Variants in CDH2 observed in about 807,000 individuals in gnomAD.
CDH2 encodes the protein cadherin-2.
A neutral mutation model predicts 92.0 loss-of-function variants in CDH2; 17 were observed. The ratio of observed to expected loss-of-function variants is 0.18; its 90% CI spans 0.13 to 0.28. The LOEUF is 0.28. Ranked by LOEUF, CDH2 falls within the 10% of genes least tolerant of loss-of-function variation. The probability of loss-of-function intolerance (pLI) is 1.00; values close to 1 mark genes in which losing one functional copy is unlikely to be tolerated. For synonymous variants in CDH2, 419 were observed against 415.9 expected (o/e 1.01, Z -0.09); for missense variants, 862 against 1,133.1 (o/e 0.76, Z 3.44).
At chr18:28,153,924 G>C (rs775535332) in intron 1 of CDH2, among the ~76,000 whole-genome samples, 3 of 152,094 alleles carry the variant, frequency 2.0e-5, no homozygotes, top group Non-Finnish European at 2.9e-5. Context: ...AGCAATCTGG[G>C]ACATTTGTTT....
intron 2 of CDH2, among the ~76,000 whole-genome samples, chr18:28,059,889 CT>C (rs1400968081): frequency 2.6e-5 from 4 of 152,210 alleles, no homozygotes; most frequent in African/African-American, 9.6e-5. Context: ...TCCTTTCAAA[CT>C]TTTTTGTGGA....
At chr18:28,033,229 T>G (rs2013742189) in intron 2 of CDH2, among the ~76,000 whole-genome samples, 1 of 152,128 alleles carries the variant, frequency 6.6e-6, no homozygotes, top group African/African-American at 2.4e-5. Context: ...GCACAGCAGT[T>G]CTTCCCTCAA....
At chr18:28,164,684 TC>T (rs2016353590) in intron 1 of CDH2, among the ~76,000 whole-genome samples, 1 of 151,706 alleles carries the variant, frequency 6.6e-6, no homozygotes, top group Non-Finnish European at 1.5e-5. Context: ...ACACACATAC[TC>T]CCACATGTGC....
intron 2 of CDH2, among the ~76,000 whole-genome samples, chr18:28,021,487 A>C (rs996171231): frequency 2.5e-4 from 38 of 152,040 alleles, no homozygotes; most frequent in African/African-American, 4.3e-4. Flanking sequence ...TTAAACAACA[A>C]ATTTATTATT....
chr18:28,125,170 A>G (rs947905859), intron 2 of CDH2, among the ~76,000 whole-genome samples: 17 of 152,196 alleles, frequency 1.1e-4, no homozygotes, highest in Admixed American at 9.8e-4. Flanking sequence ...ATGGTCCTCA[A>G]CTTCTGGTGG....
intron 2 of CDH2, among the ~76,000 whole-genome samples, chr18:28,109,017 A>C (rs368731188): frequency 6.6e-6 from 1 of 152,276 alleles, no homozygotes; most frequent in East Asian, 1.9e-4. Context: ...CTCCAGTGCT[A>C]AAAGCAGCAT....
intron 15 of CDH2, among the ~76,000 whole-genome samples, chr18:27,959,782 T>C (rs2011349036): frequency 6.6e-6 from 1 of 152,180 alleles, no homozygotes; most frequent in Non-Finnish European, 1.5e-5. Flanking sequence ...TCTCCAACTC[T>C]AGGGGCATTT....
chr18:27,975,077 A>T (rs1344918329), intron 14 of CDH2, among the ~76,000 whole-genome samples: 2 of 152,192 alleles, frequency 1.3e-5, no homozygotes, highest in African/African-American at 2.4e-5. Context: ...ATTCAGGCAG[A>T]GTGTTCTCAG....
intron 9 of CDH2, among the ~76,000 whole-genome samples, chr18:27,992,247 T>C (rs1161952789): frequency 1.3e-5 from 2 of 152,142 alleles, no homozygotes; most frequent in Admixed American, 6.6e-5. Flanking sequence ...TCAATGGTGA[T>C]CAAAATTTCA....
chr18:28,120,125 A>C (rs1254732632), intron 2 of CDH2, among the ~76,000 whole-genome samples: 1 of 152,044 alleles, frequency 6.6e-6, no homozygotes, highest in African/African-American at 2.4e-5. Flanking sequence ...TGCCTAACTC[A>C]TAATAAACCA....
intron 6 of CDH2, among the ~76,000 whole-genome samples, chr18:27,942,807 T>G (rs750366392): frequency 1.3e-5 from 2 of 152,142 alleles, no homozygotes; most frequent in Non-Finnish European, 2.9e-5. Flanking sequence ...GGTCTTGTTT[T>G]GTGTATGAAC....
chr18:28,079,217 GA>G (rs1567989994), intron 2 of CDH2, among the ~76,000 whole-genome samples: 1 of 152,128 alleles, frequency 6.6e-6, no homozygotes, highest in Non-Finnish European at 1.5e-5. Flanking sequence ...CCATGAATGG[GA>G]TAAGTGTTTT....
intron 5 of CDH2, among the ~76,000 whole-genome samples, chr18:28,007,134 T>C (rs2012948134): frequency 7.4e-6 from 1 of 134,754 alleles, no homozygotes; most frequent in African/African-American, 2.9e-5. Flanking sequence ...CACTCCAGCC[T>C]GGGCAACAGA....
intron 2 of CDH2, among the ~76,000 whole-genome samples, chr18:28,145,454 T>C (rs45441495): frequency 3.3e-5 from 5 of 152,084 alleles, no homozygotes; most frequent in Admixed American, 1.3e-4. Context: ...GTGGCAAATA[T>C]ACAGTACATG....
intron 2 of CDH2, among the ~76,000 whole-genome samples, chr18:28,126,434 A>C (rs2015678850): frequency 6.6e-6 from 1 of 152,204 alleles, no homozygotes; most frequent in Non-Finnish European, 1.5e-5. Flanking sequence ...CAAACTCCCT[A>C]GCTTTTCTCA....
chr18:27,997,043 A>G (rs1356915455), intron 7 of CDH2, among the ~76,000 whole-genome samples: 2 of 152,226 alleles, frequency 1.3e-5, no homozygotes, highest in South Asian at 2.1e-4. Flanking sequence ...TAAAAGTCCC[A>G]TAAATGGAAA....
chr18:28,108,176 G>C (rs561734898), intron 2 of CDH2, among the ~76,000 whole-genome samples: 1 of 152,114 alleles, frequency 6.6e-6, no homozygotes, highest in Non-Finnish European at 1.5e-5. Context: ...GGTGTTGAGA[G>C]GGCATGGAAA....
chr18:28,148,469 T>A (rs2016072062), intron 1 of CDH2, among the ~76,000 whole-genome samples: 1 of 152,178 alleles, frequency 6.6e-6, no homozygotes, highest in African/African-American at 2.4e-5. Context: ...TCAGTGTGCT[T>A]AAAACTCAGT....
chr18:28,060,637 G>A (rs532464163), intron 2 of CDH2, among the ~76,000 whole-genome samples: 1 of 152,292 alleles, frequency 6.6e-6, no homozygotes, highest in African/African-American at 2.4e-5. Context: ...AAATGGGATA[G>A]GTTTTGTTCC....
Sources: gnomAD v4.1 joint callset for allele counts (sites outside exome capture counted in the v4.1 genomes callset) on GRCh38, gnomAD v4.1.1 for gene constraint, MANE v1.5 for transcripts, NCBI Gene and HGNC (gene_info 2026-07-23, HGNC 2026-07-21) for gene names.